The following NRXN1 variants were observed in gnomAD, a reference collection of about 807,000 sequenced individuals.
NRXN1 encodes neurexin-1.
In NRXN1, 39 loss-of-function variants were observed where a neutral mutation model predicts 150.9. That is an observed-to-expected ratio of 0.26 (90% CI 0.20 to 0.34). The LOEUF is 0.34. Among genes scored for constraint, NRXN1 ranks in the 10% least tolerant of loss-of-function variants. The pLI is 1.00. For missense variants in NRXN1, 1,815 were observed against 1,949.9 expected (o/e 0.93, Z 1.30); for synonymous variants, 924 against 757.0 (o/e 1.22, Z -3.62).
At chr2:50,818,181 C>T (rs1574583187) in intron 5 of NRXN1, among the ~76,000 whole-genome samples, 1 of 130,342 alleles carries the variant, frequency 7.7e-6, no homozygotes, top group Non-Finnish European at 1.7e-5. Context: ...AGTCAACATA[C>T]AAAAACAATT....
At chr2:50,656,239 T>G in intron 5 of NRXN1, 1 of 588,214 alleles carries the variant, frequency 1.7e-6, no homozygotes, top group Non-Finnish European at 3.1e-6. Flanking sequence ...AAACTTAAAG[T>G]CTAATCATGC....
intron 5 of NRXN1, among the ~76,000 whole-genome samples, chr2:50,639,836 T>C (rs1255712303): frequency 6.6e-6 from 1 of 152,148 alleles, no homozygotes; most frequent in African/African-American, 2.4e-5. Flanking sequence ...AAATTTTGTT[T>C]TTTGCAGTTT....
intron 17 of NRXN1, among the ~76,000 whole-genome samples, chr2:50,265,998 ATTTATTT>A (rs869144379): frequency 1.5e-4 from 17 of 109,952 alleles, no homozygotes; most frequent in Admixed American, 3.5e-4. Context: ...TATTATTATT[ATTTATTT>A]TTTTTTTTTT....
intron 5 of NRXN1, among the ~76,000 whole-genome samples, chr2:50,755,354 T>G (rs955877141): frequency 6.6e-6 from 1 of 151,806 alleles, no homozygotes; most frequent in Non-Finnish European, 1.5e-5. Context: ...TGAACCTAAT[T>G]ATTGTGAGCA....
At chr2:50,884,249 G>T (rs1679890804) in intron 5 of NRXN1, among the ~76,000 whole-genome samples, 1 of 151,736 alleles carries the variant, frequency 6.6e-6, no homozygotes, top group Non-Finnish European at 1.5e-5. Context: ...TGGACATATT[G>T]TTTGGTAAAT....
intron 22 of NRXN1, among the ~76,000 whole-genome samples, chr2:49,933,981 T>C (rs912735703): frequency 6.6e-6 from 1 of 152,190 alleles, no homozygotes; most frequent in African/African-American, 2.4e-5. Context: ...GGGCATGTTG[T>C]TTCAGGCCAT....
intron 2 of NRXN1, among the ~76,000 whole-genome samples, chr2:51,015,233 C>A (rs1325278330): frequency 1.3e-5 from 2 of 152,050 alleles, no homozygotes; most frequent in African/African-American, 4.8e-5. Context: ...CTCCCATCAT[C>A]TTTTCTCCTA....
chr2:50,623,078 C>T (rs529851500), intron 6 of NRXN1, among the ~76,000 whole-genome samples: 1 of 152,226 alleles, frequency 6.6e-6, no homozygotes, highest in Admixed American at 6.5e-5. Flanking sequence ...GATATCCTTG[C>T]AGCCCTTTTG....
chr2:50,899,202 A>G (rs954439550), intron 5 of NRXN1, among the ~76,000 whole-genome samples: 34 of 152,334 alleles, frequency 2.2e-4, no homozygotes, highest in African/African-American at 7.7e-4. Context: ...AAATTTAACC[A>G]TCTGCAGCAA....
chr2:50,707,939 G>A (rs751067318), intron 5 of NRXN1, among the ~76,000 whole-genome samples: 1 of 152,124 alleles, frequency 6.6e-6, no homozygotes, highest in Non-Finnish European at 1.5e-5. Flanking sequence ...CAATGTTAGA[G>A]TTGTCTATCA....
intron 5 of NRXN1, among the ~76,000 whole-genome samples, chr2:50,800,050 C>G (rs1294720942): frequency 6.6e-6 from 1 of 152,074 alleles, no homozygotes; most frequent in Non-Finnish European, 1.5e-5. Context: ...TGTTGAAGAA[C>G]TGTAGTTATG....
chr2:50,560,383 G>A (rs1573549645), intron 8 of NRXN1, among the ~76,000 whole-genome samples: 1 of 152,052 alleles, frequency 6.6e-6, no homozygotes, highest in Non-Finnish European at 1.5e-5. Flanking sequence ...GGAAGACAGT[G>A]TAGAAAATGA....
rs538313186 is a variant in NRXN1 at position 50,971,329 on chromosome 2, A to T, written c.773-45374T>A. 2.7e-4 allele frequency among the ~76,000 whole-genome samples: 41 copies of T among 152,298 alleles called. 1 individual carries two copies. In the South Asian group the frequency reaches 8.3e-3, roughly 31 times the overall value. ...GCCGGGCGTGGTGGCTCACACCTGT[A>T]ATCCCAGCACTTTGGGAGGCCACAG... On this transcript the variant is annotated intron_variant, in intron 2 of 22. Coordinates refer to ENST00000401669, the MANE Select transcript of NRXN1 (RefSeq NM_001330078.2).
intron 2 of NRXN1, among the ~76,000 whole-genome samples, chr2:50,939,695 T>C (rs990612407): frequency 1.8e-4 from 27 of 152,104 alleles, no homozygotes; most frequent in Admixed American, 1.8e-3. Context: ...AACACGTAAA[T>C]ACTAAACTAA....
At chr2:50,048,725 A>C (rs946323843) in intron 21 of NRXN1, among the ~76,000 whole-genome samples, 1 of 152,172 alleles carries the variant, frequency 6.6e-6, no homozygotes, top group African/African-American at 2.4e-5. Flanking sequence ...TGTGAAATGA[A>C]TGTCTCTTAC....
At chr2:50,225,148 C>T (rs775590600) in intron 18 of NRXN1, among the ~76,000 whole-genome samples, 3 of 151,978 alleles carry the variant, frequency 2.0e-5, no homozygotes, top group African/African-American at 7.2e-5. Flanking sequence ...ACATCACGTG[C>T]TTTCACGATT....
At chr2:50,416,757 C>A (rs548419769) in intron 17 of NRXN1, among the ~76,000 whole-genome samples, 1 of 151,710 alleles carries the variant, frequency 6.6e-6, no homozygotes, top group African/African-American at 2.4e-5. Context: ...ACCATCAGAT[C>A]GTGTGAGAAC....
At chr2:50,288,066 C>G (rs1383000713) in intron 17 of NRXN1, among the ~76,000 whole-genome samples, 1 of 152,034 alleles carries the variant, frequency 6.6e-6, no homozygotes, top group East Asian at 1.9e-4. Flanking sequence ...GAGGCTTTAT[C>G]CAGTGGAAAA....
chr2:50,883,118 T>C (rs945064011), intron 5 of NRXN1, among the ~76,000 whole-genome samples: 5 of 151,856 alleles, frequency 3.3e-5, no homozygotes, highest in African/African-American at 1.2e-4. Flanking sequence ...GCAGATAAAC[T>C]AACTGCTCTC....
Sources: gnomAD v4.1 joint callset for allele counts (sites outside exome capture counted in the v4.1 genomes callset) on GRCh38, gnomAD v4.1.1 for gene constraint, MANE v1.5 for transcripts, NCBI Gene and HGNC (gene_info 2026-07-23, HGNC 2026-07-21) for gene names.